Variants in FBN3 observed in about 807,000 individuals in gnomAD.
The protein encoded by FBN3 is fibrillin 3.
Under a neutral mutation model 330.1 loss-of-function variants are expected in FBN3, and 234 were observed. That is an observed-to-expected ratio of 0.71 (90% CI 0.64 to 0.79). FBN3 has a LOEUF of 0.79. Ranked by LOEUF, FBN3 falls within the 30% of genes least tolerant of loss-of-function variation. FBN3 has a pLI of 0.00. For synonymous variants in FBN3, 1,458 were observed against 1,517.3 expected, an observed-to-expected ratio of 0.96 and a Z score of 0.91; for missense variants, 3,606 against 3,886.9, an observed-to-expected ratio of 0.93 and a Z score of 1.92.
At position 8,145,743 on chromosome 19, in the gene FBN3, A is replaced by G. The variant is rs78908341; in HGVS notation, c.445+100T>C. ...CGTCCCCTGCAATCTCCAGTCCAGGAAGAAGGAACCCTGGGCAGTGGGCAG... is the reference window on the plus strand; with the variant it reads ...CGTCCCCTGCAATCTCCAGTCCAGGGAGAAGGAACCCTGGGCAGTGGGCAG... On this transcript the variant is annotated intron_variant, in intron 5 of 63. Coordinates refer to ENST00000600128, the MANE Select transcript of FBN3 (RefSeq NM_032447.5). 1,130 of 839,436 alleles carry G rather than the reference A, an allele frequency of 1.3e-3. 17 individuals carry two copies. The East Asian group carries it at 0.029, about 22-fold the overall frequency. The allele number at this position is 839,436 out of a possible 1,614,324, so 52.0% of individuals were successfully genotyped here. A position where few individuals can be genotyped will look rare whatever the true frequency, so the allele number is the denominator to read the frequency against.
At chr19:8,114,129 C>T (rs1308864491) in intron 30 of FBN3, among the ~76,000 whole-genome samples, 1 of 152,116 alleles carries the variant, frequency 6.6e-6, no homozygotes, top group Non-Finnish European at 1.5e-5. Flanking sequence ...AGCAAGGAGG[C>T]ATGGAACACT....
At chr19:8,133,200 C>A in intron 13 of FBN3, 94 bp from the exon 14 acceptor site, 1 of 1,432,338 alleles carries the variant, frequency 7.0e-7, no homozygotes, top group South Asian at 1.4e-5. Flanking sequence ...CCCCAGGATC[C>A]CTCCCTGGAG....
chr19:8,129,029 T>G lies in FBN3; in HGVS notation c.2295A>C (p.Lys765Asn), dbSNP rs2083061675. 1 of 1,612,438 alleles carries G rather than the reference T, an allele frequency of 6.2e-7. No homozygotes were observed. Among genetic ancestry groups the G allele is most frequent in the Non-Finnish European group, 8.5e-7 (1 of 1,179,126 alleles). The change falls in exon 18 of 64, where the codon AAA (lysine) becomes AAC (asparagine). Residue 765 changes from lysine (K) to asparagine (N), a missense_variant and splice_region_variant. Transcript: ENST00000600128. This position sits in a 1 kb window ranked among gnomAD's most constrained non-coding sequence, Gnocchi z 4.5. The part of the protein sequence containing the change: ...FHFWQDTEIC[K>N]DVDECLSSPC... ...CCACGTGAGCCCGGGACCCAGTACC[T>G]TTGCAGATCTCCGTGTCCTGCCAGA...
intron 22 of FBN3, among the ~76,000 whole-genome samples, chr19:8,124,267 A>G (rs1205864288): frequency 6.6e-6 from 1 of 152,090 alleles, no homozygotes; most frequent in Non-Finnish European, 1.5e-5. Context: ...CTTTTGAGAC[A>G]TAGTCTTGCT....
chr19:8,068,713 T>A (rs1205254452), intron 63 of FBN3, among the ~76,000 whole-genome samples: 1 of 120,020 alleles, frequency 8.3e-6, no homozygotes, highest in African/African-American at 3.1e-5. Flanking sequence ...AATAAATAAA[T>A]AAATAAATAA....
Position 8,109,637 on chromosome 19 carries a change from A to G in FBN3, c.4450T>C (p.Cys1484Arg). 1 of 1,593,632 alleles carries G rather than the reference A, an allele frequency of 6.3e-7. No individual in the cohort carries two copies. Among genetic ancestry groups the G allele is most frequent in the Non-Finnish European group, 8.6e-7 (1 of 1,169,534 alleles). ...GAGTTGAGCATGGACTCACCCACGC[A>G]GCCCACTCCGCTGGGGTTCAGCTCA... ...DFELNPSGVG[C>R]VDTRAGNCFL... Residue 1484 changes from cysteine (C) to arginine (R), a missense_variant, in exon 35 of 64, where the codon TGC (cysteine) becomes CGC (arginine). Coordinates refer to ENST00000600128, the MANE Select transcript of FBN3 (RefSeq NM_032447.5). This position sits in a 1 kb window ranked among gnomAD's most constrained non-coding sequence, Gnocchi z 5.2.
In FBN3 at chr19:8,087,099, A is replaced by G. The variant is rs772403956; in HGVS notation, c.6732T>C (p.Pro2244=). The G allele has an allele frequency of 6.2e-7, 1 of 1,609,770 alleles. No individual in the cohort carries two copies. Among genetic ancestry groups the G allele is most frequent in the South Asian group, 1.1e-5 (1 of 90,892 alleles). Residue 2244 remains proline, a synonymous_variant, in exon 54 of 64, where the codon CCT becomes CCC. Coordinates refer to ENST00000600128, the MANE Select transcript of FBN3 (RefSeq NM_032447.5). ...CVCPPGMRPL[P]GSGEGCTDDN... is the part of the protein sequence containing the mutation. ...TACCTGTGCAGCCCTCCCCAGAGCC[A>G]GGCAGGGGCCGCATGCCTGGGGGAC...
chr19:8,126,491 C>G lies in FBN3; in HGVS notation c.2531G>C (p.Ser844Thr). Residue 844 changes from serine (S) to threonine (T), a missense_variant, in exon 20 of 64, where the codon AGC becomes ACC. By Grantham distance (58) the Ser-to-Thr change is moderately conservative. Transcript: ENST00000600128. ...CCATLGAAWG[S>T]PCERCEIDPA... The stretch of plus-strand genomic sequence containing the variant: ...ACCGATCTCGCAGCGTTCGCAGGGG[C>G]TCCCCCAGGCTGCCCCGAGGGTGGC... 1 of 1,613,028 alleles carries G rather than the reference C, an allele frequency of 6.2e-7. No homozygotes were observed. The highest frequency in any genetic ancestry group is 1.1e-5 in the South Asian group (1 of 91,032).
intron 30 of FBN3, among the ~76,000 whole-genome samples, chr19:8,113,970 G>A (rs1217546863): frequency 6.6e-6 from 1 of 151,660 alleles, no homozygotes; most frequent in Non-Finnish European, 1.5e-5. Context: ...CAGCCTGGGA[G>A]ACAGAGTGAG....
chr19:8,114,479 C>T (rs963064397), intron 30 of FBN3, among the ~76,000 whole-genome samples: 4 of 152,122 alleles, frequency 2.6e-5, no homozygotes, highest in Non-Finnish European at 5.9e-5. Flanking sequence ...AAACTCCTGA[C>T]CTCAGGTAAT....
chr19:8,071,998 ACACT>A, intron 63 of FBN3, 46 bp downstream of exon 63: 1 of 1,564,380 alleles, frequency 6.4e-7, no homozygotes, highest in Non-Finnish European at 8.6e-7. Context: ...CCTCTTTCCC[ACACT>A]CACCCATTCC....
intron 47 of FBN3, among the ~76,000 whole-genome samples, chr19:8,092,044 G>C (rs2082108019): frequency 6.6e-6 from 1 of 152,026 alleles, no homozygotes; most frequent in Non-Finnish European, 1.5e-5. Context: ...CGGGTGTGGT[G>C]GTGGGCGCCT....
chr19:8,103,266 CAAAAA>C (rs71165275), intron 39 of FBN3, among the ~76,000 whole-genome samples: 2 of 107,964 alleles, frequency 1.9e-5, no homozygotes, highest in African/African-American at 6.6e-5. Context: ...GACTCTATCT[CAAAAA>C]AAAAAAAAAA....
intron 13 of FBN3, 25 bp downstream of exon 13, chr19:8,135,936 G>GGGGGGGGGGGGGGCGCC: frequency 6.0e-6 from 4 of 668,774 alleles, no homozygotes; most frequent in African/African-American, 2.0e-5. Context: ...GGAAGCCCCT[G>GGGGGGGGGGGGGGCGCC]CCCACCCGCC....
At chr19:8,128,846 TGTGA>T (rs775193623) in intron 18 of FBN3, among the ~76,000 whole-genome samples, 178 bp downstream of exon 18, 9 of 152,056 alleles carry the variant, frequency 5.9e-5, no homozygotes, top group East Asian at 3.9e-4. Context: ...TCATGCAACA[TGTGA>T]GTATCTGAGC....
rs753718107 is a variant in FBN3 at position 8,085,458 on chromosome 19, C to A, written c.6992G>T (p.Gly2331Val). The change falls in exon 56 of 64, where the codon GGC becomes GTC. Residue 2331 changes from glycine (G) to valine (V), a missense_variant. By Grantham distance (109) the Gly-to-Val change is moderately radical. Coordinates refer to ENST00000600128, the MANE Select transcript of FBN3 (RefSeq NM_032447.5). The stretch of plus-strand genomic sequence containing the variant: ...ACAGAGCTCGCAGCGGGGCCCCCAG[C>A]CCCGGCCACCCCCACAGCAGCACTC... ...RAECCCGGGR[G>V]WGPRCELCPL... 1.3e-6 allele frequency: 2 copies of A among 1,576,838 alleles called. No homozygotes were observed. The highest frequency in any genetic ancestry group is 2.7e-5 in the African/African-American group (2 of 74,236).
At chr19:8,119,813 C>CTT (rs869084219) in intron 25 of FBN3, among the ~76,000 whole-genome samples, 526 of 48,820 alleles carry the variant, frequency 0.011, 2 homozygotes, top group Non-Finnish European at 0.013. Context: ...CGAGCCCAGC[C>CTT]TTTTTTTTTT....
At chr19:8,098,364 T>A (rs1295224954) in intron 41 of FBN3, among the ~76,000 whole-genome samples, 2 of 151,634 alleles carry the variant, frequency 1.3e-5, no homozygotes, top group Non-Finnish European at 2.9e-5. Flanking sequence ...AATGGGGGAC[T>A]GGAAATAACC....
Position 8,149,138 on chromosome 19 carries a change from C to A in FBN3, c.-18+311G>T, listed in dbSNP as rs1230772056. Among the ~76,000 whole-genome samples, 1 of 151,970 alleles carries A rather than the reference C, an allele frequency of 6.6e-6. No homozygotes were observed. The highest frequency in any genetic ancestry group is 1.5e-5 in the Non-Finnish European group (1 of 67,958). ...CTTCGCCGACGGGGAGGGGGCGCCC[C>A]CGGAGCCCGCGGGGCGCGATCTCCA... On this transcript the variant is annotated intron_variant, in intron 1 of 63. Coordinates refer to ENST00000600128, the MANE Select transcript of FBN3 (RefSeq NM_032447.5). The surrounding 1 kb of genome is among the most constrained non-coding windows in gnomAD (Gnocchi z 5.5).
Sources: allele counts gnomAD v4.1 joint callset (sites outside exome capture counted in the v4.1 genomes callset), GRCh38; gene constraint gnomAD v4.1.1; non-coding constraint Gnocchi (gnomAD v3.1); transcripts MANE v1.5; gene names NCBI Gene and HGNC (gene_info 2026-07-23, HGNC 2026-07-21).